The following LAMB4 variants were observed in gnomAD, a reference collection of about 807,000 sequenced individuals.
LAMB4 encodes the protein laminin subunit beta 4.
Under a neutral mutation model 199.2 loss-of-function variants are expected in LAMB4, and 196 were observed. The observed-to-expected ratio is 0.98, with a 90% confidence interval of 0.88 to 1.11. LAMB4 has a LOEUF of 1.11. LAMB4 is among the 50% of genes least tolerant of loss of function. LAMB4 has a pLI of 0.00. For missense variants in LAMB4, 2,080 were observed against 2,171.2 expected, an observed-to-expected ratio of 0.96 and a Z score of 0.83; for synonymous variants, 744 against 770.6, an observed-to-expected ratio of 0.97 and a Z score of 0.57.
chr7:108,106,390 C>A (rs1322375502), intron 7 of LAMB4, 119 bp downstream of exon 7: 1 of 669,256 alleles, frequency 1.5e-6, no homozygotes, highest in Non-Finnish European at 2.6e-6. Flanking sequence ...TGCACTCCAG[C>A]CTGGATGACA....
rs201265823 is a variant in LAMB4, at chr7:108,057,923, T to C, written c.3288A>G (p.Thr1096=). 3 of 1,611,820 alleles carry C rather than the reference T, an allele frequency of 1.9e-6. No individual in the cohort carries two copies. The highest frequency in any genetic ancestry group is 4.5e-5 in the East Asian group (2 of 44,866). The change falls in exon 24 of 34, where the codon ACA becomes ACG. Residue 1096 remains threonine, a synonymous_variant. Transcript: ENST00000388781. The part of the protein sequence containing the change: ...TSQSSHCDQL[T]GQCPCKLGYG... ...AACCTAATTTACACGGACACTGGCC[T>C]GTAAGCTGTGAGAACAGTCATGGGT...
chr7:108,051,460 A>G (rs1242973253), intron 26 of LAMB4, among the ~76,000 whole-genome samples: 2 of 152,184 alleles, frequency 1.3e-5, no homozygotes. Flanking sequence ...TGCTTCTCTC[A>G]GTAGTAACAG....
At chr7:108,091,966 A>G (rs923098478) in intron 13 of LAMB4, among the ~76,000 whole-genome samples, 190 bp from the exon 14 acceptor site, 1 of 152,192 alleles carries the variant, frequency 6.6e-6, no homozygotes, top group African/African-American at 2.4e-5. Flanking sequence ...ATCCAGGGCC[A>G]TGGAGCCCAG....
At position 108,063,953 on chromosome 7, in the gene LAMB4, A is replaced by G. The variant is rs774612230; in HGVS notation, c.2869T>C (p.Tyr957His). 6.2e-7 allele frequency: 1 copy of G among 1,614,172 alleles called. No individual in the cohort carries two copies. Among genetic ancestry groups the G allele is most frequent in the East Asian group, 2.2e-5 (1 of 44,884 alleles). ...TQCGECSTGF[Y>H]GNPRISGAPC... ...GCTCCTGAAATTCTTGGATTTCCAT[A>G]GAAACCAGTAGAGCATTCTCCACAC... Residue 957 changes from tyrosine to histidine, a missense_variant, in exon 22 of 34, where the codon TAT (tyrosine) becomes CAT (histidine). By Grantham distance (83) the Tyr-to-His change is moderately conservative. Coordinates refer to ENST00000388781, the MANE Select transcript of LAMB4 (RefSeq NM_007356.3).
chr7:108,034,142 T>C (rs2035142524), intron 31 of LAMB4, 66 bp downstream of exon 31: 7 of 1,487,840 alleles, frequency 4.7e-6, no homozygotes, highest in Non-Finnish European at 6.6e-6. Flanking sequence ...TTGGCATACA[T>C]AAAAAGCACT....
chr7:108,115,803 G>A (rs2038383228), intron 3 of LAMB4, among the ~76,000 whole-genome samples: 1 of 152,146 alleles, frequency 6.6e-6, no homozygotes. Context: ...TCAGGGACTT[G>A]AGCATCCATG....
chr7:108,101,962 C>T (rs562064347), intron 10 of LAMB4, among the ~76,000 whole-genome samples: 8 of 152,256 alleles, frequency 5.3e-5, no homozygotes, highest in East Asian at 1.9e-4. Context: ...AACCAAGTGT[C>T]GGCAAGGAAG....
chr7:108,123,220 T>C, intron 1 of LAMB4, 23 bp from the exon 2 acceptor site: 1 of 1,395,150 alleles, frequency 7.2e-7, no homozygotes, highest in East Asian at 2.3e-5. Flanking sequence ...AAGGTTAAAG[T>C]CAATCACTGA....
chr7:108,093,367 G>T (rs1319850200), intron 12 of LAMB4, among the ~76,000 whole-genome samples: 1 of 152,172 alleles, frequency 6.6e-6, no homozygotes, highest in Non-Finnish European at 1.5e-5. Flanking sequence ...GCTCGGCCGT[G>T]TAACTGCTTT....
At chr7:108,042,975 G>GTGTGTGTGTGTA (rs2035475486) in intron 29 of LAMB4, among the ~76,000 whole-genome samples, 1 of 149,964 alleles carries the variant, frequency 6.7e-6, no homozygotes, top group African/African-American at 2.4e-5. Flanking sequence ...GTGTGTGTGT[G>GTGTGTGTGTGTA]TGTATGTGTA....
chr7:108,076,830 T>C (rs2036719666), intron 17 of LAMB4, 114 bp downstream of exon 17: 7 of 1,223,746 alleles, frequency 5.7e-6, no homozygotes, highest in Non-Finnish European at 8.0e-6. Context: ...GTGGCTTTTA[T>C]AATTGAGCAA....
At chr7:108,070,624 T>C (rs2150562685) in intron 17 of LAMB4, among the ~76,000 whole-genome samples, 1 of 152,358 alleles carries the variant, frequency 6.6e-6, no homozygotes, top group African/African-American at 2.4e-5. Flanking sequence ...CTTAATAACA[T>C]ATTCTTTTCT....
At chr7:108,027,179 G>C (rs1264177321) in intron 33 of LAMB4, among the ~76,000 whole-genome samples, 1 of 152,104 alleles carries the variant, frequency 6.6e-6, no homozygotes, top group Non-Finnish European at 1.5e-5. Flanking sequence ...TCTGACAAGT[G>C]GTCAGAGGAT....
intron 25 of LAMB4, among the ~76,000 whole-genome samples, chr7:108,052,831 T>C (rs1259667483): frequency 6.6e-6 from 1 of 152,206 alleles, no homozygotes; most frequent in Non-Finnish European, 1.5e-5. Flanking sequence ...GGGTACACCT[T>C]TGTTGTGCTT....
chr7:108,015,959 T>A, the LAMB4 span, among the ~76,000 whole-genome samples: 1 of 152,300 alleles, frequency 6.6e-6, no homozygotes, highest in African/African-American at 2.4e-5. Flanking sequence ...CAGAATTACT[T>A]CCTGTGAAAT....
intron 23 of LAMB4, 131 bp from the exon 24 acceptor site, chr7:108,058,059 C>G (rs1054698318): frequency 1.5e-6 from 1 of 666,758 alleles, no homozygotes; most frequent in Non-Finnish European, 2.7e-6. Flanking sequence ...AAGGATGATT[C>G]CCATGTCCAG....
intron 24 of LAMB4, among the ~76,000 whole-genome samples, chr7:108,056,419 G>C (rs1030370186): frequency 6.6e-6 from 1 of 152,150 alleles, no homozygotes; most frequent in African/African-American, 2.4e-5. Flanking sequence ...GTAAAGCCCA[G>C]CTTGGGTGTG....
intron 20 of LAMB4, 150 bp downstream of exon 20, chr7:108,066,219 G>T (rs2036334968): frequency 1.5e-6 from 1 of 657,006 alleles, no homozygotes; most frequent in Non-Finnish European, 2.6e-6. Flanking sequence ...AGATGATTTT[G>T]AAGGGTGAGA....
intron 32 of LAMB4, among the ~76,000 whole-genome samples, chr7:108,030,245 C>T (rs2034982486): frequency 6.6e-6 from 1 of 152,110 alleles, no homozygotes; most frequent in South Asian, 2.1e-4. Context: ...TGTAAATACA[C>T]TAACATTTTT....
Sources: gnomAD v4.1 joint callset for allele counts (sites outside exome capture counted in the v4.1 genomes callset) on GRCh38, gnomAD v4.1.1 for gene constraint, MANE v1.5 for transcripts, NCBI Gene and HGNC (gene_info 2026-07-23, HGNC 2026-07-21) for gene names.